Variants in KCNT2 observed in about 807,000 individuals in gnomAD.
KCNT2 encodes the protein potassium channel subfamily T member 2.
A neutral mutation model predicts 153.8 loss-of-function variants in KCNT2; 67 were observed. That is an observed-to-expected ratio of 0.44 (90% CI 0.36 to 0.53). The LOEUF (loss-of-function observed/expected upper bound fraction) is 0.53, where lower values mean the gene tolerates loss of function less well. Among genes scored for constraint, KCNT2 ranks in the 20% least tolerant of loss-of-function variants. The pLI, the probability that KCNT2 is intolerant of heterozygous loss-of-function variation, is 0.00. For missense variants in KCNT2, 975 were observed against 1,354.8 expected (o/e 0.72, Z 4.40); for synonymous variants, 500 against 458.8 (o/e 1.09, Z -1.15).
chr1:196,512,813 C>T lies in KCNT2; in HGVS notation c.96-20472G>A, dbSNP rs369981246. Among the ~76,000 whole-genome samples the T allele has an allele frequency of 3.3e-5, 5 of 152,136 alleles. No homozygotes were observed. The East Asian group carries it at 7.7e-4, about 24-fold the overall frequency. On this transcript the variant is annotated intron_variant, in intron 1 of 27. Transcript: ENST00000294725. ...TGAACTCCATCCATTTATCAATCTA[C>T]AAAAATAGCAACAAAGTATTTCACA...
intron 13 of KCNT2, among the ~76,000 whole-genome samples, chr1:196,388,208 A>G (rs1670163110): frequency 6.6e-6 from 1 of 151,734 alleles, no homozygotes; most frequent in East Asian, 1.9e-4. Flanking sequence ...GGCATCGTTG[A>G]TGAAAATATA....
At chr1:196,425,282 C>T (rs1673556729) in intron 11 of KCNT2, among the ~76,000 whole-genome samples, 1 of 151,870 alleles carries the variant, frequency 6.6e-6, no homozygotes, top group Non-Finnish European at 1.5e-5. Context: ...TTGCCTGGTA[C>T]ATGCACAAAA....
chr1:196,549,153 A>AT (rs748275224), intron 1 of KCNT2, among the ~76,000 whole-genome samples: 9 of 151,984 alleles, frequency 5.9e-5, no homozygotes, highest in Non-Finnish European at 1.0e-4. Context: ...TTAAAGTATG[A>AT]TAAAAAAAAG....
intron 27 of KCNT2, among the ~76,000 whole-genome samples, chr1:196,232,334 T>A (rs1654027643): frequency 1.3e-5 from 2 of 151,784 alleles, no homozygotes; most frequent in South Asian, 4.1e-4. Context: ...AAGTGAATTT[T>A]TAGAAAAACA....
chr1:196,423,178 G>C lies in KCNT2; in HGVS notation c.1122-65C>G, dbSNP rs553015388. The C allele has an allele frequency of 4.6e-6, 5 of 1,094,828 alleles. No individual in the cohort carries two copies. In the East Asian group the frequency reaches 1.0e-4, roughly 22 times the overall value. 67.8% of individuals were successfully genotyped at this position (1,094,828 alleles called of 1,614,324 possible). A position where few individuals can be genotyped will look rare whatever the true frequency, so the allele number is the denominator to read the frequency against. On this transcript the variant is annotated intron_variant, in intron 11 of 27. Transcript: ENST00000294725. Reference sequence around the variant, plus strand: ...ATATCTACAGGTTTTCTGAAAAATAGAATTTCAGTCTTGAGTCCATATATT... The same window carrying C: ...ATATCTACAGGTTTTCTGAAAAATACAATTTCAGTCTTGAGTCCATATATT...
chr1:196,517,225 C>T (rs1652702189), intron 1 of KCNT2, among the ~76,000 whole-genome samples: 1 of 152,164 alleles, frequency 6.6e-6, no homozygotes, highest in African/African-American at 2.4e-5. Context: ...GCAGGGTCAC[C>T]TGACATATGA....
chr1:196,444,634 A>T (rs1194539475), intron 8 of KCNT2, among the ~76,000 whole-genome samples: 3 of 151,456 alleles, frequency 2.0e-5, no homozygotes, highest in Non-Finnish European at 4.4e-5. Context: ...AAGCATTTCG[A>T]GTAGGGCAAA....
intron 25 of KCNT2, among the ~76,000 whole-genome samples, chr1:196,260,270 A>G (rs1366203578): frequency 6.6e-6 from 1 of 151,914 alleles, no homozygotes; most frequent in African/African-American, 2.4e-5. Context: ...CTTATAATTC[A>G]AGTCACAAAA....
intron 4 of KCNT2, 98 bp from the exon 5 acceptor site, chr1:196,479,336 T>G: frequency 1.5e-6 from 1 of 686,380 alleles, no homozygotes; most frequent in Non-Finnish European, 2.6e-6. Flanking sequence ...TATGTGCATG[T>G]ATACATATAT....
intron 16 of KCNT2, among the ~76,000 whole-genome samples, chr1:196,339,739 G>A (rs1408580484): frequency 6.6e-6 from 1 of 152,044 alleles, no homozygotes; most frequent in Admixed American, 6.6e-5. Context: ...ATGTTTGTAG[G>A]TTTGTAGATG....
intron 1 of KCNT2, among the ~76,000 whole-genome samples, chr1:196,544,106 G>A (rs891479155): frequency 3.9e-5 from 6 of 152,174 alleles, no homozygotes; most frequent in Non-Finnish European, 2.9e-5. Context: ...ACTCTCCAAA[G>A]CAACCTAAAT....
chr1:196,426,903 C>G (rs1470455566), intron 10 of KCNT2, among the ~76,000 whole-genome samples: 1 of 151,962 alleles, frequency 6.6e-6, no homozygotes, highest in African/African-American at 2.4e-5. Context: ...TGAAGACACA[C>G]CTGCTTCCCT....
chr1:196,361,939 C>T (rs1232606825), intron 14 of KCNT2, among the ~76,000 whole-genome samples: 1 of 151,514 alleles, frequency 6.6e-6, no homozygotes, highest in Non-Finnish European at 1.5e-5. Context: ...GTGTTTCACT[C>T]TAAAGGGAAA....
intron 5 of KCNT2, among the ~76,000 whole-genome samples, chr1:196,474,599 A>G (rs1572575746): frequency 6.6e-6 from 1 of 152,216 alleles, no homozygotes; most frequent in South Asian, 2.1e-4. Context: ...GATTATGGAA[A>G]AAAAGAATTG....
intron 14 of KCNT2, among the ~76,000 whole-genome samples, chr1:196,351,681 T>A (rs896432774): frequency 6.6e-6 from 1 of 152,070 alleles, no homozygotes; most frequent in African/African-American, 2.4e-5. Flanking sequence ...CTTTTCCTAA[T>A]TGAATACCCT....
chr1:196,272,685 CA>C (rs917743057), intron 25 of KCNT2, among the ~76,000 whole-genome samples: 2 of 151,704 alleles, frequency 1.3e-5, no homozygotes, highest in African/African-American at 2.4e-5. Context: ...TAGAAAAGAC[CA>C]AAAAAACTAT....
intron 22 of KCNT2, among the ~76,000 whole-genome samples, chr1:196,299,903 G>A (rs749047663): frequency 3.3e-5 from 5 of 152,098 alleles, no homozygotes; most frequent in South Asian, 2.1e-4. Context: ...TATACACAAC[G>A]GAATATTATG....
intron 8 of KCNT2, among the ~76,000 whole-genome samples, chr1:196,441,473 C>T (rs1391690286): frequency 1.3e-5 from 2 of 150,222 alleles, no homozygotes; most frequent in Non-Finnish European, 3.0e-5. Context: ...GAAGAATCAC[C>T]AAGGTGTGAG....
At chr1:196,582,901 T>C (rs1042366258) in intron 1 of KCNT2, among the ~76,000 whole-genome samples, 1 of 152,064 alleles carries the variant, frequency 6.6e-6, no homozygotes, top group Non-Finnish European at 1.5e-5. Flanking sequence ...TATACAGGAT[T>C]ATAAAATATA....
Sources: gnomAD v4.1 joint callset for allele counts (sites outside exome capture counted in the v4.1 genomes callset) on GRCh38, gnomAD v4.1.1 for gene constraint, MANE v1.5 for transcripts, NCBI Gene and HGNC (gene_info 2026-07-23, HGNC 2026-07-21) for gene names.